The following BEND6 variants were observed in gnomAD, a reference collection of about 807,000 sequenced individuals.
The protein encoded by BEND6 is BEN domain containing 6, also known as BEN domain-containing protein 6.
In BEND6, 24 loss-of-function variants were observed where a neutral mutation model predicts 31.8. That is an observed-to-expected ratio of 0.75 (90% CI 0.55 to 1.06). The LOEUF is 1.06. Among genes scored for constraint, BEND6 ranks in the 50% least tolerant of loss-of-function variants. The pLI is 0.00. For missense variants in BEND6, 294 were observed against 327.4 expected, an observed-to-expected ratio of 0.90 and a Z score of 0.79; for synonymous variants, 109 against 114.6, an observed-to-expected ratio of 0.95 and a Z score of 0.31.
Position 56,994,457 on chromosome 6 carries a change from CAAAAAA to C in BEND6, c.298+1924_298+1929del, listed in dbSNP as rs67871242. ...TGGGCGACAGAGCGAGACTCCATCT[CAAAAAA>C]AAAAAAAAAAAAAAAAAAAAAGGCA... is the stretch of plus-strand genomic sequence containing the variant. On this transcript the variant is annotated intron_variant, in intron 3 of 6. Coordinates refer to ENST00000370746, the MANE Select transcript of BEND6 (RefSeq NM_152731.3). 1.5e-4 allele frequency among the ~76,000 whole-genome samples: 8 copies of C among 54,862 alleles called. No homozygotes were observed. The East Asian group carries it at 4.6e-3, about 31-fold the overall frequency. 36.0% of individuals were successfully genotyped at this position (54,862 alleles called of 152,430 possible).
intron 3 of BEND6, among the ~76,000 whole-genome samples, chr6:57,012,310 A>G (rs999876231): frequency 6.6e-6 from 1 of 152,342 alleles, no homozygotes; most frequent in East Asian, 1.9e-4. Context: ...AAGAGACAAA[A>G]AAAGGAGAAT....
At chr6:57,011,736 GAAA>G (rs1238082293) in intron 3 of BEND6, among the ~76,000 whole-genome samples, 1 of 105,358 alleles carries the variant, frequency 9.5e-6, no homozygotes, top group Non-Finnish European at 2.0e-5. Context: ...AAAAAAAAAA[GAAA>G]AAAAAAGAAA....
chr6:56,956,061 G>T lies in BEND6; in HGVS notation c.-101+601G>T, dbSNP rs142168668. Among the ~76,000 whole-genome samples the T allele has an allele frequency of 2.0e-5, 3 of 152,372 alleles. No homozygotes were observed. In the East Asian group the frequency reaches 5.8e-4, roughly 29 times the overall value. On this transcript the variant is annotated intron_variant, in intron 1 of 6. Coordinates refer to ENST00000370746, the MANE Select transcript of BEND6 (RefSeq NM_152731.3). ...TGCAGCAGTCATTCTGCGGCATCTTGCGGCCTTGGCGGGCGGTGCTGTGCC... is the reference window on the plus strand; with the variant it reads ...TGCAGCAGTCATTCTGCGGCATCTTTCGGCCTTGGCGGGCGGTGCTGTGCC...
At chr6:56,985,095 C>G (rs1011801928) in intron 2 of BEND6, among the ~76,000 whole-genome samples, 5 of 152,180 alleles carry the variant, frequency 3.3e-5, no homozygotes, top group African/African-American at 1.2e-4. Flanking sequence ...GGTCTGCCTT[C>G]AAAGGTATTC....
Position 56,981,777 on chromosome 6 carries a change from G to A in BEND6, c.-34G>A. On this transcript the variant is annotated 5_prime_UTR_variant, in exon 2 of 7. Transcript: ENST00000370746. ...CTTCATGGGTATTCCCTACTCCTAG[G>A]ATTTCAGAAAACCTTTGATAACTAA... 1 of 1,608,220 alleles carries A rather than the reference G, an allele frequency of 6.2e-7. No individual in the cohort carries two copies. Among genetic ancestry groups the A allele is most frequent in the Non-Finnish European group, 8.5e-7 (1 of 1,177,456 alleles).
At chr6:56,962,116 C>T (rs1410985880) in intron 1 of BEND6, among the ~76,000 whole-genome samples, 1 of 152,202 alleles carries the variant, frequency 6.6e-6, no homozygotes, top group East Asian at 1.9e-4. Context: ...AGCCTCCTCT[C>T]TCTCTTTCTC....
intron 1 of BEND6, chr6:56,975,652 C>T (rs536354413): frequency 9.1e-5 from 36 of 396,162 alleles, no homozygotes; most frequent in African/African-American, 1.9e-4. Flanking sequence ...AAACTCTAGC[C>T]GTGAAAAAAC....
intron 3 of BEND6, among the ~76,000 whole-genome samples, chr6:57,000,846 G>T (rs1318273662): frequency 7.0e-6 from 1 of 143,760 alleles, no homozygotes; most frequent in Non-Finnish European, 1.5e-5. Context: ...ATGTAAGCTG[G>T]ATTCTTGGGC....
At chr6:56,982,991 C>T (rs1303178720) in intron 2 of BEND6, among the ~76,000 whole-genome samples, 1 of 151,902 alleles carries the variant, frequency 6.6e-6, no homozygotes. Flanking sequence ...GTGTATTCAC[C>T]ATCCTTTATT....
chr6:56,971,662 C>G (rs553042061), intron 1 of BEND6, among the ~76,000 whole-genome samples: 7 of 152,112 alleles, frequency 4.6e-5, no homozygotes, highest in Non-Finnish European at 7.4e-5. Context: ...TGTAGTCATC[C>G]TAATGGCTAT....
intron 1 of BEND6, chr6:56,975,735 A>G (rs938749674): frequency 1.6e-5 from 8 of 491,436 alleles, no homozygotes; most frequent in African/African-American, 1.2e-4. Context: ...TGTGCATTCA[A>G]TTGGTCCAGG....
intron 1 of BEND6, among the ~76,000 whole-genome samples, chr6:56,970,547 T>C (rs1825656380): frequency 6.6e-6 from 1 of 152,176 alleles, no homozygotes; most frequent in South Asian, 2.1e-4. Context: ...ATTAGAGAAT[T>C]AATAAGATGC....
chr6:56,965,671 AAAATTTATATATATATAT>A (rs1825449106), intron 1 of BEND6, among the ~76,000 whole-genome samples: 2 of 121,226 alleles, frequency 1.6e-5, no homozygotes, highest in African/African-American at 7.0e-5. Flanking sequence ...CACACACAAA[AAAATTTATATATATATAT>A]ATATATATAT....
chr6:56,955,442 C>T lies in BEND6; in HGVS notation c.-119C>T, dbSNP rs1824679376. 6.6e-6 allele frequency: 1 copy of T among 152,310 alleles called. No homozygotes were observed. Among genetic ancestry groups the T allele is most frequent in the African/African-American group, 2.4e-5 (1 of 41,466 alleles). The allele number at this position is 152,310 out of a possible 1,614,324, so 9.4% of individuals were successfully genotyped here. On this transcript the variant is annotated 5_prime_UTR_variant, in exon 1 of 7. Transcript: ENST00000370746. ...CCTGCGCCCCGCCCCGAGGTTGGGG[C>T]TTTGAAGAATGCAGCCGGGTGAGCT...
At chr6:57,012,237 C>T (rs182228139) in intron 3 of BEND6, among the ~76,000 whole-genome samples, 144 of 152,010 alleles carry the variant, frequency 9.5e-4, no homozygotes, top group Non-Finnish European at 1.7e-3. Context: ...GAAATGTTAG[C>T]AATAAAAAGG....
chr6:57,007,643 T>A (rs79593588), intron 3 of BEND6, among the ~76,000 whole-genome samples: 2 of 152,052 alleles, frequency 1.3e-5, no homozygotes, highest in Non-Finnish European at 2.9e-5. Context: ...TTTTTTTTTT[T>A]AATGAGCTGG....
At chr6:57,025,085 T>A (rs1230654729) in intron 6 of BEND6, among the ~76,000 whole-genome samples, 1 of 152,258 alleles carries the variant, frequency 6.6e-6, no homozygotes, top group Non-Finnish European at 1.5e-5. Context: ...TATCTCTTTG[T>A]TAAATATCTC....
intron 1 of BEND6, among the ~76,000 whole-genome samples, chr6:56,978,693 G>T (rs1562540611): frequency 6.6e-6 from 1 of 152,148 alleles, no homozygotes; most frequent in South Asian, 2.1e-4. Flanking sequence ...ATTCTGACTT[G>T]CCCTACTACC....
intron 3 of BEND6, among the ~76,000 whole-genome samples, chr6:56,994,685 AAAG>A (rs1255865259): frequency 2.6e-5 from 4 of 152,128 alleles, no homozygotes; most frequent in South Asian, 2.1e-4. Context: ...ACCTGGCACA[AAAG>A]AAGAACTCAG....
Sources: gnomAD v4.1 joint callset for allele counts (sites outside exome capture counted in the v4.1 genomes callset) on GRCh38, gnomAD v4.1.1 for gene constraint, MANE v1.5 for transcripts, NCBI Gene and HGNC (gene_info 2026-07-23, HGNC 2026-07-21) for gene names.